The following PYHIN1 variants were observed in gnomAD, a reference collection of about 807,000 sequenced individuals.
The protein encoded by PYHIN1 is pyrin and HIN domain-containing protein 1.
A neutral mutation model predicts 43.7 loss-of-function variants in PYHIN1; 32 were observed. That is an observed-to-expected ratio of 0.73 (90% confidence interval 0.55 to 0.98). The LOEUF is 0.98. Ranked by LOEUF, PYHIN1 falls within the 50% of genes least tolerant of loss-of-function variation. The pLI is 0.00. For synonymous variants in PYHIN1, 205 were observed against 203.1 expected (o/e 1.01, Z -0.08); for missense variants, 588 against 589.5 (o/e 1.00, Z 0.03).
the PYHIN1 span, among the ~76,000 whole-genome samples, chr1:158,986,246 C>G: frequency 6.6e-6 from 1 of 152,094 alleles, no homozygotes; most frequent in Non-Finnish European, 1.5e-5. Context: ...TTTTGCTAGT[C>G]TTTGCAGTTG....
At chr1:158,939,860 C>A in intron 4 of PYHIN1, 1 of 262,626 alleles carries the variant, frequency 3.8e-6, no homozygotes, top group East Asian at 7.4e-5. Flanking sequence ...GTTTGTAATT[C>A]TGTGGACCAC....
intron 4 of PYHIN1, chr1:158,939,674 A>G: frequency 1.4e-6 from 1 of 696,068 alleles, no homozygotes; most frequent in Non-Finnish European, 2.5e-6. Flanking sequence ...CACCCTCTGG[A>G]TCCCAATATT....
chr1:158,959,432 T>C (rs554652539), intron 7 of PYHIN1, among the ~76,000 whole-genome samples: 3 of 152,304 alleles, frequency 2.0e-5, no homozygotes, highest in African/African-American at 7.2e-5. Flanking sequence ...TGATCAAAAG[T>C]TGGCCTTAAG....
At position 158,943,837 on chromosome 1, in the gene PYHIN1, A is replaced by T; in HGVS notation, c.1050A>T (p.Thr350=). The change falls in exon 6 of 9, where the codon ACA becomes ACT. Residue 350 remains threonine (T), a synonymous_variant. Transcript: ENST00000368140. ...KTTIYEIQDK[T]GSMAVVGKGE... is the part of the protein sequence containing the mutation. ...CAATCTATGAAATTCAGGATAAAAC[A>T]GGAAGTATGGCTGTAGTAGGAAAAG... 1.2e-6 allele frequency: 2 copies of T among 1,608,466 alleles called. No individual in the cohort carries two copies. Among genetic ancestry groups the T allele is most frequent in the South Asian group, 2.2e-5 (2 of 90,334 alleles).
chr1:158,959,418 C>T (rs776726372), intron 7 of PYHIN1, among the ~76,000 whole-genome samples: 2 of 152,136 alleles, frequency 1.3e-5, no homozygotes, highest in Non-Finnish European at 2.9e-5. Flanking sequence ...TATGCACCCG[C>T]GGTTGATCAA....
intron 4 of PYHIN1, chr1:158,939,639 A>T (rs1365011391): frequency 1.1e-5 from 11 of 1,037,238 alleles, no homozygotes; most frequent in Non-Finnish European, 1.6e-5. Flanking sequence ...TTTCACCTTT[A>T]AACTCTTACC....
At chr1:158,975,445 A>G (rs1651201431) in intron 8 of PYHIN1, among the ~76,000 whole-genome samples, 1 of 152,060 alleles carries the variant, frequency 6.6e-6, no homozygotes, top group Admixed American at 6.6e-5. Context: ...AATCACTACA[A>G]CTTTATCTGG....
At chr1:158,985,408 C>A in the PYHIN1 span, among the ~76,000 whole-genome samples, 2 of 152,098 alleles carry the variant, frequency 1.3e-5, no homozygotes, top group Non-Finnish European at 2.9e-5. Context: ...TTTTCACTTA[C>A]AAAGCTTGGT....
intron 7 of PYHIN1, among the ~76,000 whole-genome samples, chr1:158,958,920 C>A (rs575152985): frequency 2.0e-5 from 3 of 150,902 alleles, no homozygotes; most frequent in African/African-American, 7.3e-5. Context: ...ACTGAGGCTC[C>A]GCTAGCCTTA....
chr1:158,949,525 C>G (rs1342665658), intron 7 of PYHIN1, among the ~76,000 whole-genome samples: 1 of 137,074 alleles, frequency 7.3e-6, no homozygotes, highest in Non-Finnish European at 1.6e-5. Flanking sequence ...AATGCTCTCC[C>G]TTCCCCCTCC....
At chr1:158,932,583 C>T (rs1455511027) in intron 1 of PYHIN1, among the ~76,000 whole-genome samples, 1 of 152,158 alleles carries the variant, frequency 6.6e-6, no homozygotes, top group East Asian at 1.9e-4. Context: ...AACATGTTCT[C>T]ACACAAAAAC....
chr1:158,975,065 T>C (rs1629702), intron 8 of PYHIN1, among the ~76,000 whole-genome samples: 139,379 of 151,918 alleles, frequency 0.92, 65,153 homozygotes, highest in East Asian at 1. Flanking sequence ...CCCAGGAATC[T>C]CAGCTAGGGT....
chr1:158,988,613 T>C, the PYHIN1 span, among the ~76,000 whole-genome samples: 4 of 152,162 alleles, frequency 2.6e-5, no homozygotes, highest in African/African-American at 7.2e-5. Context: ...GACTTGGCTC[T>C]CTTGGCTGTA....
chr1:158,952,380 TAAA>T (rs5778102), intron 7 of PYHIN1, among the ~76,000 whole-genome samples: 1 of 149,606 alleles, frequency 6.7e-6, no homozygotes, highest in African/African-American at 2.4e-5. Flanking sequence ...TTATAAGCGT[TAAA>T]AAAAAAAAAT....
chr1:158,986,660 C>G, the PYHIN1 span, among the ~76,000 whole-genome samples: 1 of 152,192 alleles, frequency 6.6e-6, no homozygotes, highest in African/African-American at 2.4e-5. Flanking sequence ...AAACCAGCCC[C>G]ACCCTTTGAG....
chr1:158,971,836 C>T (rs965774068), intron 7 of PYHIN1, among the ~76,000 whole-genome samples: 1 of 151,868 alleles, frequency 6.6e-6, no homozygotes, highest in African/African-American at 2.4e-5. Flanking sequence ...CAATCACACA[C>T]CTACAGAATT....
intron 1 of PYHIN1, among the ~76,000 whole-genome samples, chr1:158,936,107 C>T (rs1013596696): frequency 2.0e-5 from 3 of 151,576 alleles, no homozygotes; most frequent in South Asian, 2.1e-4. Context: ...ATGTGCATAA[C>T]GTGCAGGTTT....
At chr1:158,963,362 A>T (rs1375003217) in intron 7 of PYHIN1, among the ~76,000 whole-genome samples, 1 of 152,120 alleles carries the variant, frequency 6.6e-6, no homozygotes, top group East Asian at 1.9e-4. Flanking sequence ...GGCTGATAGC[A>T]GCTCCTCGTT....
chr1:158,974,694 GT>G (rs1334963869), intron 8 of PYHIN1, among the ~76,000 whole-genome samples: 4 of 152,024 alleles, frequency 2.6e-5, no homozygotes, highest in South Asian at 4.1e-4. Context: ...ATTTGTGGTC[GT>G]TTTTTGGTTT....
Sources: allele counts gnomAD v4.1 joint callset (sites outside exome capture counted in the v4.1 genomes callset), GRCh38; gene constraint gnomAD v4.1.1; transcripts MANE v1.5; gene names NCBI Gene and HGNC (gene_info 2026-07-23, HGNC 2026-07-21).